The following HAPSTR1 variants were observed in gnomAD, a reference collection of about 807,000 sequenced individuals.
The protein encoded by HAPSTR1 is HUWE1-associated protein modifying stress responses 1.
At chr16:9,110,199 C>A in the HAPSTR1 span, 1 of 140,564 alleles carries the variant, frequency 7.1e-6, no homozygotes. Flanking sequence ...TTTCTGTGGA[C>A]TTACATGGAA....
chr16:9,113,592 A>G, the HAPSTR1 span, among the ~76,000 whole-genome samples: 57 of 152,326 alleles, frequency 3.7e-4, no homozygotes, highest in African/African-American at 1.3e-3. Flanking sequence ...TCTTTTTATA[A>G]TTTGAAATGA....
At chr16:9,100,274 C>T in the HAPSTR1 span, among the ~76,000 whole-genome samples, 1 of 152,168 alleles carries the variant, frequency 6.6e-6, no homozygotes, top group Admixed American at 6.5e-5. Context: ...TGTCTTACAT[C>T]TAAGCCAGGC....
chr16:9,099,590 G>A, the HAPSTR1 span, among the ~76,000 whole-genome samples: 1 of 152,234 alleles, frequency 6.6e-6, no homozygotes, highest in African/African-American at 2.4e-5. Flanking sequence ...CTTCAAGTAT[G>A]TGGCTCTTTT....
At chr16:9,120,831 C>T in the HAPSTR1 span, 2 of 151,986 alleles carry the variant, frequency 1.3e-5, no homozygotes, top group South Asian at 2.1e-4. Flanking sequence ...GTGCCTGCCA[C>T]CACACCTGGC....
At chr16:9,095,785 A>G in the HAPSTR1 span, among the ~76,000 whole-genome samples, 1 of 152,224 alleles carries the variant, frequency 6.6e-6, no homozygotes, top group Non-Finnish European at 1.5e-5. Flanking sequence ...CAGCAAGGAC[A>G]GAATTCAATA....
the HAPSTR1 span, chr16:9,105,150 T>A: frequency 1.3e-5 from 2 of 152,212 alleles, no homozygotes; most frequent in African/African-American, 4.8e-5. Flanking sequence ...TGATTTATTG[T>A]TTTCCTGAAC....
the HAPSTR1 span, chr16:9,109,228 G>T: frequency 6.6e-6 from 1 of 152,018 alleles, no homozygotes; most frequent in African/African-American, 2.4e-5. Flanking sequence ...GAGTTGCCCT[G>T]TCCAACCCAG....
At chr16:9,116,601 G>A in the HAPSTR1 span, 1 of 1,563,142 alleles carries the variant, frequency 6.4e-7, no homozygotes. Flanking sequence ...AACATGGAAA[G>A]TAAGTGGGTT....
the HAPSTR1 span, among the ~76,000 whole-genome samples, chr16:9,101,245 A>G: frequency 3.3e-5 from 5 of 152,178 alleles, no homozygotes; most frequent in African/African-American, 1.2e-4. Context: ...TCCTAAAGAG[A>G]TGGGAAAAGT....
At chr16:9,105,811 ATC>A in the HAPSTR1 span, 2 of 152,366 alleles carry the variant, frequency 1.3e-5, no homozygotes, top group Admixed American at 1.3e-4. Context: ...TGGGAAAAGA[ATC>A]TGGTATTTTG....
the HAPSTR1 span, chr16:9,121,051 C>G: frequency 6.6e-6 from 1 of 152,168 alleles, no homozygotes; most frequent in Non-Finnish European, 1.5e-5. Flanking sequence ...ACCGCAATCT[C>G]TGCCTCCCGG....
chr16:9,108,219 G>A, the HAPSTR1 span: 1 of 152,164 alleles, frequency 6.6e-6, no homozygotes, highest in African/African-American at 2.4e-5. Context: ...TAACACTGTT[G>A]ATGAAGAAAG....
At chr16:9,097,265 CAG>C in the HAPSTR1 span, among the ~76,000 whole-genome samples, 3 of 140,374 alleles carry the variant, frequency 2.1e-5, no homozygotes, top group African/African-American at 8.2e-5. Context: ...TCTTTTGAGA[CAG>C]GGTCTCATTC....
the HAPSTR1 span, chr16:9,117,161 A>G: frequency 1.8e-5 from 9 of 498,308 alleles, no homozygotes; most frequent in African/African-American, 7.7e-5. Flanking sequence ...CAAGATCATC[A>G]TAGGCAAACA....
chr16:9,115,467 A>G, the HAPSTR1 span, among the ~76,000 whole-genome samples: 50 of 152,282 alleles, frequency 3.3e-4, no homozygotes, highest in African/African-American at 1.2e-3. Flanking sequence ...TAAAAATGCA[A>G]CACTGTGTTT....
At chr16:9,116,436 T>C in the HAPSTR1 span, among the ~76,000 whole-genome samples, 8,297 of 152,152 alleles carry the variant, frequency 0.055, 729 homozygotes, top group African/African-American at 0.19. Flanking sequence ...GTAGTAACTT[T>C]TAGTAATTGG....
chr16:9,117,081 CCT>C, the HAPSTR1 span: 1 of 915,638 alleles, frequency 1.1e-6, no homozygotes, highest in Non-Finnish European at 1.6e-6. Flanking sequence ...ATAGTAGATG[CCT>C]CTTGTAATTA....
chr16:9,100,200 T>C, the HAPSTR1 span, among the ~76,000 whole-genome samples: 2 of 152,322 alleles, frequency 1.3e-5, no homozygotes, highest in South Asian at 4.1e-4. Context: ...CTCAGAATTT[T>C]TGAGGTGAAA....
At chr16:9,110,297 G>A in the HAPSTR1 span, 2 of 151,778 alleles carry the variant, frequency 1.3e-5, no homozygotes, top group African/African-American at 2.4e-5. Context: ...AAAATCATTC[G>A]AAATCAGATT....
Sources: gnomAD v4.1 joint callset for allele counts (sites outside exome capture counted in the v4.1 genomes callset) on GRCh38, gnomAD v4.1.1 for gene constraint, MANE v1.5 for transcripts, NCBI Gene and HGNC (gene_info 2026-07-23, HGNC 2026-07-21) for gene names.